BBS9: variants seen among roughly 807,000 people sequenced by gnomAD.
BBS9 encodes the protein protein PTHB1.
BBS9 carries 89 observed loss-of-function variants against 117.7 expected under a neutral mutation model. That is an observed-to-expected ratio of 0.76 (90% CI 0.64 to 0.90). The LOEUF is 0.90. BBS9 is among the 40% of genes least tolerant of loss of function. The pLI is 0.00. For synonymous variants in BBS9, 379 were observed against 370.9 expected (o/e 1.02, Z -0.25); for missense variants, 982 against 1,042.2 (o/e 0.94, Z 0.80).
chr7:33,161,125 CT>C (rs35467517), intron 4 of BBS9, among the ~76,000 whole-genome samples: 29,428 of 150,452 alleles, frequency 0.2, 3,101 homozygotes, highest in East Asian at 0.43. Context: ...CTAATTAATA[CT>C]TTTTTTTTTA....
At chr7:33,377,006 C>T (rs992400519) in intron 17 of BBS9, among the ~76,000 whole-genome samples, 1 of 151,904 alleles carries the variant, frequency 6.6e-6, no homozygotes, top group Non-Finnish European at 1.5e-5. Context: ...CATCTGTATA[C>T]TCTGTTGATA....
chr7:33,425,310 A>G (rs1345045471), intron 19 of BBS9, among the ~76,000 whole-genome samples: 1 of 152,206 alleles, frequency 6.6e-6, no homozygotes, highest in African/African-American at 2.4e-5. Context: ...ATTTTAAAGT[A>G]TGATGATAAT....
At chr7:33,425,618 G>A (rs1248316909) in intron 19 of BBS9, among the ~76,000 whole-genome samples, 1 of 152,142 alleles carries the variant, frequency 6.6e-6, no homozygotes, top group Non-Finnish European at 1.5e-5. Flanking sequence ...ATGCTGTGTC[G>A]AAATGGACAG....
At chr7:33,196,044 A>G (rs1583574791) in intron 5 of BBS9, among the ~76,000 whole-genome samples, 1 of 152,296 alleles carries the variant, frequency 6.6e-6, no homozygotes, top group East Asian at 1.9e-4. Flanking sequence ...AATATTTTTT[A>G]AATCATAAAA....
intron 5 of BBS9, among the ~76,000 whole-genome samples, chr7:33,229,161 CACTT>C: frequency 6.6e-6 from 1 of 152,240 alleles, no homozygotes; most frequent in Non-Finnish European, 1.5e-5. Flanking sequence ...TCCATCATCT[CACTT>C]AGTTACCCAT....
At chr7:33,532,086 C>A (rs984702787) in intron 20 of BBS9, among the ~76,000 whole-genome samples, 2 of 152,250 alleles carry the variant, frequency 1.3e-5, no homozygotes, top group African/African-American at 4.8e-5. Context: ...GTGACAAGAG[C>A]TATGATGCAT....
At chr7:33,161,192 A>G (rs1794782594) in intron 4 of BBS9, among the ~76,000 whole-genome samples, 2 of 152,008 alleles carry the variant, frequency 1.3e-5, no homozygotes, top group Non-Finnish European at 2.9e-5. Flanking sequence ...ACATAGGTAT[A>G]CTTGTGCTAT....
At chr7:33,149,539 G>C (rs963785362) in intron 2 of BBS9, among the ~76,000 whole-genome samples, 1 of 152,194 alleles carries the variant, frequency 6.6e-6, no homozygotes, top group African/African-American at 2.4e-5. Flanking sequence ...TCAAGATTCA[G>C]ACTCTTGAGA....
intron 19 of BBS9, among the ~76,000 whole-genome samples, chr7:33,430,563 G>T (rs540518712): frequency 2.0e-5 from 3 of 152,178 alleles, no homozygotes; most frequent in African/African-American, 7.2e-5. Context: ...TATGTGGAGG[G>T]AACTCTAGTT....
chr7:33,353,982 A>G (rs1055135937), intron 15 of BBS9, among the ~76,000 whole-genome samples: 2 of 152,080 alleles, frequency 1.3e-5, no homozygotes, highest in African/African-American at 2.4e-5. Flanking sequence ...AATTTTGTAA[A>G]ATATCATGTT....
intron 16 of BBS9, among the ~76,000 whole-genome samples, chr7:33,363,396 C>T (rs1821006160): frequency 6.6e-6 from 1 of 152,226 alleles, no homozygotes; most frequent in Non-Finnish European, 1.5e-5. Context: ...AGCCACCCCA[C>T]TTGGCTTACA....
At chr7:33,500,012 A>ATT (rs1443557832) in intron 19 of BBS9, among the ~76,000 whole-genome samples, 1 of 152,226 alleles carries the variant, frequency 6.6e-6, no homozygotes, top group Non-Finnish European at 1.5e-5. Flanking sequence ...AAATCTTCAT[A>ATT]TTTTTGAGCT....
intron 21 of BBS9, among the ~76,000 whole-genome samples, chr7:33,566,667 T>G (rs2129129040): frequency 1.3e-5 from 2 of 152,270 alleles, no homozygotes; most frequent in African/African-American, 4.8e-5. Context: ...TGCTACCTTT[T>G]TATTTTTTTA....
chr7:33,178,362 T>C (rs894246149), intron 5 of BBS9, among the ~76,000 whole-genome samples: 2 of 152,232 alleles, frequency 1.3e-5, no homozygotes, highest in East Asian at 1.9e-4. Flanking sequence ...GGGGTGTCTT[T>C]TTCTAATTAG....
At chr7:33,556,639 C>T (rs967977590) in intron 21 of BBS9, among the ~76,000 whole-genome samples, 1 of 152,150 alleles carries the variant, frequency 6.6e-6, no homozygotes, top group Non-Finnish European at 1.5e-5. Flanking sequence ...AATGGGATGA[C>T]ATATGAGCTA....
At chr7:33,450,313 C>T (rs891899871) in intron 19 of BBS9, among the ~76,000 whole-genome samples, 11 of 152,140 alleles carry the variant, frequency 7.2e-5, no homozygotes, top group African/African-American at 1.4e-4. Flanking sequence ...TTGGCAATTG[C>T]GAATAATGCC....
At chr7:33,262,767 A>G (rs1798169618) in intron 6 of BBS9, among the ~76,000 whole-genome samples, 1 of 151,860 alleles carries the variant, frequency 6.6e-6, no homozygotes, top group East Asian at 1.9e-4. Flanking sequence ...TGCATTTGTT[A>G]TTTGATTTGC....
At chr7:33,377,556 G>A (rs554583491) in intron 17 of BBS9, among the ~76,000 whole-genome samples, 1 of 152,080 alleles carries the variant, frequency 6.6e-6, no homozygotes, top group Non-Finnish European at 1.5e-5. Context: ...AGCTCTTGAA[G>A]ACTGTCATTG....
intron 19 of BBS9, among the ~76,000 whole-genome samples, chr7:33,441,087 A>C (rs901157902): frequency 5.3e-5 from 8 of 152,226 alleles, no homozygotes; most frequent in African/African-American, 1.9e-4. Flanking sequence ...AAATGTTTAA[A>C]TGGAAAAAAT....
Sources: allele counts gnomAD v4.1 joint callset (sites outside exome capture counted in the v4.1 genomes callset), GRCh38; gene constraint gnomAD v4.1.1; transcripts MANE v1.5; gene names NCBI Gene and HGNC (gene_info 2026-07-23, HGNC 2026-07-21).